Variants in CELF4 observed in about 807,000 individuals in gnomAD.
The protein encoded by CELF4 is CUGBP Elav-like family member 4.
A neutral mutation model predicts 59.9 loss-of-function variants in CELF4; 18 were observed. The ratio of observed to expected loss-of-function variants is 0.30; its 90% CI spans 0.21 to 0.45. The LOEUF (loss-of-function observed/expected upper bound fraction) is 0.45, where lower values mean the gene tolerates loss of function less well. CELF4 is among the 20% of genes least tolerant of loss of function. CELF4 has a pLI of 1.00. For missense variants in CELF4, 456 were observed against 689.0 expected (o/e 0.66, Z 3.79); for synonymous variants, 261 against 267.1 (o/e 0.98, Z 0.22).
intron 1 of CELF4, among the ~76,000 whole-genome samples, chr18:37,509,519 G>C (rs919869248): frequency 6.6e-6 from 1 of 152,230 alleles, no homozygotes; most frequent in Non-Finnish European, 1.5e-5. Flanking sequence ...GAGAGAGCAG[G>C]CATTGCATGA....
intron 2 of CELF4, among the ~76,000 whole-genome samples, chr18:37,411,909 G>A (rs2099465098): frequency 6.6e-6 from 1 of 152,214 alleles, no homozygotes; most frequent in African/African-American, 2.4e-5. Flanking sequence ...TGTTTCTCCT[G>A]CAGGAGGGTA....
At position 37,259,010 on chromosome 18, in the gene CELF4, TGGGGCGGGG is replaced by T. The variant is rs1238036342; in HGVS notation, c.1333+162_1333+170del. 14 of 943,028 alleles carry T rather than the reference TGGGGCGGGG, an allele frequency of 1.5e-5. No individual in the cohort carries two copies. The Admixed American group carries it at 1.9e-4, about 13-fold the overall frequency. 58.4% of individuals were successfully genotyped at this position (943,028 alleles called of 1,614,324 possible). On this transcript the variant is annotated intron_variant, in intron 11 of 12. Coordinates refer to ENST00000420428, the MANE Select transcript of CELF4 (RefSeq NM_020180.4). ...AGGCTGGTGAGGGCCATGGAGCAGC[TGGGGCGGGG>T]GCAATGTGAAGGAGCAGGTTAAAAG... is the stretch of plus-strand genomic sequence containing the variant.
chr18:37,442,539 G>A (rs1339008711), intron 2 of CELF4, among the ~76,000 whole-genome samples: 1 of 152,224 alleles, frequency 6.6e-6, no homozygotes, highest in East Asian at 1.9e-4. Flanking sequence ...TGGGGTGAGG[G>A]TCATCACAGT....
intron 1 of CELF4, among the ~76,000 whole-genome samples, chr18:37,506,372 C>T (rs1343931461): frequency 6.6e-6 from 1 of 152,042 alleles, no homozygotes; most frequent in African/African-American, 2.4e-5. Context: ...TGTGGACAGA[C>T]CAGCCAGCTC....
At chr18:37,426,921 CAG>C (rs1439658513) in intron 2 of CELF4, among the ~76,000 whole-genome samples, 1 of 147,534 alleles carries the variant, frequency 6.8e-6, no homozygotes, top group African/African-American at 2.5e-5. Context: ...CAATGACTTG[CAG>C]AGACTTTAAT....
At chr18:37,382,179 C>T (rs1172857043) in intron 2 of CELF4, among the ~76,000 whole-genome samples, 1 of 152,180 alleles carries the variant, frequency 6.6e-6, no homozygotes. Flanking sequence ...TTCCACTTCA[C>T]TATGAGGCAG....
intron 2 of CELF4, among the ~76,000 whole-genome samples, chr18:37,352,472 G>T (rs1204678740): frequency 1.3e-5 from 2 of 151,976 alleles, no homozygotes. Flanking sequence ...GTGAGACCCA[G>T]TCTCTATAAA....
At chr18:37,305,481 G>C (rs778712511) in intron 3 of CELF4, 6 of 152,286 alleles carry the variant, frequency 3.9e-5, no homozygotes, top group Non-Finnish European at 8.8e-5. Context: ...CCTCTGTCTA[G>C]AGTGTAACAG....
chr18:37,300,538 T>C (rs1220611476), intron 3 of CELF4, among the ~76,000 whole-genome samples: 5 of 152,292 alleles, frequency 3.3e-5, no homozygotes, highest in Non-Finnish European at 5.9e-5. Context: ...AGCACTTTCT[T>C]ATGGCACTGC....
At chr18:37,504,799 C>T (rs774779040) in intron 1 of CELF4, among the ~76,000 whole-genome samples, 9 of 152,160 alleles carry the variant, frequency 5.9e-5, no homozygotes, top group Admixed American at 2.0e-4. Context: ...TGGAGATCCT[C>T]GAGAGGTGAG....
At chr18:37,461,238 G>A (rs1010640087) in intron 2 of CELF4, among the ~76,000 whole-genome samples, 1 of 152,162 alleles carries the variant, frequency 6.6e-6, no homozygotes, top group Admixed American at 6.5e-5. Context: ...GCTGTCAAGA[G>A]TGCCGTGTTA....
At chr18:37,410,091 C>T (rs1011807000) in intron 2 of CELF4, among the ~76,000 whole-genome samples, 3 of 152,132 alleles carry the variant, frequency 2.0e-5, no homozygotes, top group East Asian at 3.9e-4. Context: ...TGCCACTCCC[C>T]GTGCCGATGT....
At position 37,352,901 on chromosome 18, in the gene CELF4, C is replaced by T. The variant is rs898756482; in HGVS notation, c.370-31020G>A. ...GGAACAGCGCCTTGCCATTGGTGCC[C>T]GAATGCACCAGAGGCTGGGAGAACA... On this transcript the variant is annotated intron_variant, in intron 2 of 12. Transcript: ENST00000420428. Among the ~76,000 whole-genome samples, 19 of 152,000 alleles carry T rather than the reference C, an allele frequency of 1.3e-4. No homozygotes were observed. In the East Asian group the frequency reaches 3.1e-3, roughly 25 times the overall value.
chr18:37,466,163 C>T (rs937913543), intron 2 of CELF4, among the ~76,000 whole-genome samples: 2 of 152,330 alleles, frequency 1.3e-5, no homozygotes, highest in Non-Finnish European at 2.9e-5. Flanking sequence ...TAAAGCCAAG[C>T]GCGAGACAGC....
At chr18:37,333,796 C>G (rs562342597) in intron 2 of CELF4, among the ~76,000 whole-genome samples, 4 of 151,956 alleles carry the variant, frequency 2.6e-5, no homozygotes, top group African/African-American at 9.7e-5. Context: ...ATCCATCCAT[C>G]CATCCATCCA....
intron 2 of CELF4, among the ~76,000 whole-genome samples, chr18:37,470,887 T>TGAGAGAGA (rs1557426553): frequency 2.8e-5 from 2 of 71,922 alleles, no homozygotes; most frequent in Admixed American, 1.8e-4. Context: ...TGTGTGTGTG[T>TGAGAGAGA]GACAGAGAGA....
chr18:37,480,771 AG>A (rs1283613084), intron 2 of CELF4, among the ~76,000 whole-genome samples: 1 of 152,100 alleles, frequency 6.6e-6, no homozygotes, highest in East Asian at 1.9e-4. Context: ...GAAGGATAAA[AG>A]AAGAAAGTGT....
chr18:37,393,872 T>TA (rs2099200191), intron 2 of CELF4, among the ~76,000 whole-genome samples: 2 of 148,312 alleles, frequency 1.3e-5, no homozygotes, highest in African/African-American at 2.5e-5. Flanking sequence ...TTTTTTTTTT[T>TA]AATTTTAAGC....
chr18:37,383,080 G>T (rs998035416), intron 2 of CELF4, among the ~76,000 whole-genome samples: 1 of 152,034 alleles, frequency 6.6e-6, no homozygotes, highest in Non-Finnish European at 1.5e-5. Context: ...GTAGAGATAG[G>T]ATCTCACTAT....
Sources: gnomAD v4.1 joint callset for allele counts (sites outside exome capture counted in the v4.1 genomes callset) on GRCh38, gnomAD v4.1.1 for gene constraint, MANE v1.5 for transcripts, NCBI Gene and HGNC (gene_info 2026-07-23, HGNC 2026-07-21) for gene names.